The following ZNF33B variants were observed in gnomAD, a reference collection of about 807,000 sequenced individuals.
ZNF33B encodes the protein zinc finger protein 11b (KOX 2).
A neutral mutation model predicts 45.8 loss-of-function variants in ZNF33B; 29 were observed. The ratio of observed to expected loss-of-function variants is 0.63; its 90% CI spans 0.47 to 0.86. The LOEUF is 0.86. Among genes scored for constraint, ZNF33B ranks in the 40% least tolerant of loss-of-function variants. ZNF33B has a pLI of 0.00. For synonymous variants in ZNF33B, 305 were observed against 307.8 expected (o/e 0.99, Z 0.10); for missense variants, 831 against 909.9 (o/e 0.91, Z 1.12).
intron 4 of ZNF33B, among the ~76,000 whole-genome samples, chr10:42,626,026 A>T (rs1365083958): frequency 2.6e-5 from 4 of 152,242 alleles, no homozygotes; most frequent in Non-Finnish European, 4.4e-5. Context: ...TATTTTGTGC[A>T]TGTTCATTTA....
intron 4 of ZNF33B, among the ~76,000 whole-genome samples, chr10:42,621,864 A>G (rs2132129212): frequency 6.6e-6 from 1 of 152,302 alleles, no homozygotes; most frequent in South Asian, 2.1e-4. Flanking sequence ...AAGAAAAAGA[A>G]AGAGAGGCAT....
chr10:42,632,688 G>T (rs1298207551), intron 2 of ZNF33B, among the ~76,000 whole-genome samples: 1 of 152,138 alleles, frequency 6.6e-6, no homozygotes, highest in Admixed American at 6.5e-5. Flanking sequence ...TGTGTTCAAA[G>T]AACACACAGA....
chr10:42,588,049 A>C (rs113893766), downstream of ZNF33B, among the ~76,000 whole-genome samples: 594 of 151,768 alleles, frequency 3.9e-3, 5 homozygotes, highest in African/African-American at 0.013. Flanking sequence ...GTGCAATAAC[A>C]AACAATAGTC....
rs145947102 is a variant in ZNF33B, at chr10:42,591,425, A to AT, written c.*1187dup. 2,850 of 306,872 alleles carry AT rather than the reference A, an allele frequency of 9.3e-3. 93 individuals carry two copies. Among genetic ancestry groups the AT allele is most frequent in the African/African-American group, 0.061 (2,702 of 44,430 alleles). The allele number at this position is 306,872 out of a possible 1,614,324, so 19.0% of individuals were successfully genotyped here. On this transcript the variant is annotated 3_prime_UTR_variant, in exon 5 of 5. Transcript: ENST00000359467. ...CTAGATCTTCACACGTACAGGATAG[A>AT]TTTTTTTTCAGATAATCTGTTATTT...
chr10:42,611,840 A>C (rs1838109538), intron 4 of ZNF33B, among the ~76,000 whole-genome samples: 1 of 152,228 alleles, frequency 6.6e-6, no homozygotes. Context: ...TAAAGACTTA[A>C]CAGTTTTGGG....
At chr10:42,608,097 G>C (rs1295198548) in intron 4 of ZNF33B, among the ~76,000 whole-genome samples, 1 of 152,066 alleles carries the variant, frequency 6.6e-6, no homozygotes, top group Non-Finnish European at 1.5e-5. Context: ...TTTTACTAAG[G>C]ATAAAGAGGG....
chr10:42,594,156 T>G lies in ZNF33B; in HGVS notation c.794A>C (p.His265Pro). 1 of 1,613,954 alleles carries G rather than the reference T, an allele frequency of 6.2e-7. No homozygotes were observed. The highest frequency in any genetic ancestry group is 8.5e-7 in the Non-Finnish European group (1 of 1,179,942). ...TFCDSSSLLFHQIPPSKDSHY... is the reference protein window; with the variant it reads ...TFCDSSSLLFPQIPPSKDSHY... ...ACTGTCCTTTGATGGAGGTATCTGA[T>G]GGAACAAGAGGGATGAACTATCACA... Residue 265 changes from histidine to proline, a missense_variant, in exon 5 of 5, where the codon CAT becomes CCT. Coordinates refer to ENST00000359467, the MANE Select transcript of ZNF33B (RefSeq NM_006955.3).
At chr10:42,613,164 A>G (rs1368032342) in intron 4 of ZNF33B, among the ~76,000 whole-genome samples, 1 of 152,232 alleles carries the variant, frequency 6.6e-6, no homozygotes, top group East Asian at 1.9e-4. Flanking sequence ...ACTATATTTT[A>G]GTTGATAAAA....
chr10:42,581,503 A>G (rs1836824856), intron 1 of ZNF33B: 1 of 149,916 alleles, frequency 6.7e-6, no homozygotes, highest in African/African-American at 2.5e-5. Context: ...TGTCCACGGG[A>G]AGACATGGAG....
At chr10:42,610,895 T>G (rs1339855157) in intron 4 of ZNF33B, among the ~76,000 whole-genome samples, 1 of 152,220 alleles carries the variant, frequency 6.6e-6, no homozygotes, top group Non-Finnish European at 1.5e-5. Context: ...ACTTCTCAAT[T>G]TGAAAATTTG....
intron 4 of ZNF33B, among the ~76,000 whole-genome samples, chr10:42,608,357 A>G (rs1316970309): frequency 6.6e-6 from 1 of 152,204 alleles, no homozygotes; most frequent in Non-Finnish European, 1.5e-5. Context: ...AACCAGATCT[A>G]AGAGATATAG....
At chr10:42,620,507 A>T (rs1241907374) in intron 4 of ZNF33B, among the ~76,000 whole-genome samples, 1 of 151,740 alleles carries the variant, frequency 6.6e-6, no homozygotes, top group Admixed American at 6.6e-5. Flanking sequence ...GGCTCAAGGG[A>T]TCCTCCTGCC....
intron 4 of ZNF33B, among the ~76,000 whole-genome samples, chr10:42,623,637 G>C (rs1838683705): frequency 6.6e-6 from 1 of 152,160 alleles, no homozygotes; most frequent in Admixed American, 6.5e-5. Context: ...AACTCACAGA[G>C]ACAAACTAGA....
At position 42,632,240 on chromosome 10, in the gene ZNF33B, T is replaced by G. The variant is rs1589074121; in HGVS notation, c.154+55A>C. 5.1e-6 allele frequency: 8 copies of G among 1,573,440 alleles called. No homozygotes were observed. In the East Asian group the frequency reaches 1.8e-4, roughly 35 times the overall value. ...TAAACTAGACAGACTGCCTATATGT[T>G]TTATAATCAAAATAAACGAATGCTA... On this transcript the variant is annotated intron_variant, in intron 3 of 4. Coordinates refer to ENST00000359467, the MANE Select transcript of ZNF33B (RefSeq NM_006955.3).
intron 2 of ZNF33B, among the ~76,000 whole-genome samples, chr10:42,633,771 C>T (rs550828924): frequency 6.6e-6 from 1 of 152,158 alleles, no homozygotes; most frequent in East Asian, 1.9e-4. Context: ...AGTTCGAGAC[C>T]AGCCTGACCA....
chr10:42,631,809 G>A, intron 4 of ZNF33B, 120 bp downstream of exon 4: 1 of 787,554 alleles, frequency 1.3e-6, no homozygotes, highest in Non-Finnish European at 2.2e-6. Context: ...ATCACTTCCA[G>A]AGGTTAGGAC....
intron 4 of ZNF33B, among the ~76,000 whole-genome samples, chr10:42,604,753 C>T (rs1412680464): frequency 2.0e-5 from 3 of 151,770 alleles, no homozygotes; most frequent in Non-Finnish European, 4.4e-5. Context: ...GGGGTCTCTA[C>T]TAAAAATACA....
At chr10:42,611,591 C>A (rs1193352877) in intron 4 of ZNF33B, among the ~76,000 whole-genome samples, 2 of 152,128 alleles carry the variant, frequency 1.3e-5, no homozygotes, top group South Asian at 4.1e-4. Context: ...AAAGAAAAAA[C>A]AAATTAGACT....
At chr10:42,636,322 G>C (rs766997958) in intron 2 of ZNF33B, among the ~76,000 whole-genome samples, 13 of 152,210 alleles carry the variant, frequency 8.5e-5, no homozygotes, top group Non-Finnish European at 1.8e-4. Flanking sequence ...ACCAAAAAAG[G>C]TATCTGCCAG....
Sources: gnomAD v4.1 joint callset for allele counts (sites outside exome capture counted in the v4.1 genomes callset) on GRCh38, gnomAD v4.1.1 for gene constraint, MANE v1.5 for transcripts, NCBI Gene and HGNC (gene_info 2026-07-23, HGNC 2026-07-21) for gene names.